RIPOR2: variants seen among roughly 807,000 people sequenced by gnomAD.
RIPOR2 encodes RHO family interacting cell polarization regulator 2.
Under a neutral mutation model 114.5 loss-of-function variants are expected in RIPOR2, and 39 were observed. The ratio of observed to expected loss-of-function variants is 0.34; its 90% CI spans 0.26 to 0.44. The LOEUF (loss-of-function observed/expected upper bound fraction) is 0.44. Among genes scored for constraint, RIPOR2 ranks in the 20% least tolerant of loss-of-function variants. The probability of loss-of-function intolerance (pLI) is 1.00; values close to 1 mark genes in which losing one functional copy is unlikely to be tolerated. For missense variants in RIPOR2, 1,007 were observed against 1,255.1 expected (o/e 0.80, Z 2.99); for synonymous variants, 445 against 484.4 (o/e 0.92, Z 1.07).
At chr6:24,825,513 A>C (rs549453363) in intron 18 of RIPOR2, 85 bp from the exon 19 acceptor site, 67 of 935,548 alleles carry the variant, frequency 7.2e-5, no homozygotes, top group Non-Finnish European at 1.1e-4. Flanking sequence ...ACTCAAGTAC[A>C]TAAGAAAGTA....
At chr6:24,940,203 T>C (rs1772049902), upstream of RIPOR2, among the ~76,000 whole-genome samples, 2 of 152,062 alleles carry the variant, frequency 1.3e-5, no homozygotes, top group African/African-American at 4.8e-5. Flanking sequence ...TATTTCTGCA[T>C]AGTTTGCTGT....
chr6:24,945,667 G>A (rs1191050316), intron 1 of RIPOR2, among the ~76,000 whole-genome samples: 1 of 152,172 alleles, frequency 6.6e-6, no homozygotes, highest in Non-Finnish European at 1.5e-5. Flanking sequence ...TGAAATTAAA[G>A]TGGTATTAAT....
intron 6 of RIPOR2, among the ~76,000 whole-genome samples, chr6:24,866,586 TCAAGTGATCCTCTTAACCTCC>T (rs1764631149): frequency 1.3e-5 from 2 of 150,298 alleles, no homozygotes; most frequent in Non-Finnish European, 1.5e-5. Flanking sequence ...ACTGCTGGGC[TCAAGTGATCCTCTTAACCTCC>T]CAAGTAGCTG....
At chr6:24,889,421 T>C (rs1453659444) in intron 1 of RIPOR2, among the ~76,000 whole-genome samples, 3 of 152,228 alleles carry the variant, frequency 2.0e-5, no homozygotes, top group Non-Finnish European at 4.4e-5. Flanking sequence ...AGTGACGATG[T>C]GTTCTGATTG....
upstream of RIPOR2, among the ~76,000 whole-genome samples, chr6:24,936,278 G>A (rs1386819044): frequency 1.3e-5 from 2 of 152,132 alleles, no homozygotes; most frequent in Non-Finnish European, 2.9e-5. Context: ...GAACACAATG[G>A]GTTTTGTTGA....
At chr6:24,971,652 T>G (rs1041384157) in intron 1 of RIPOR2, among the ~76,000 whole-genome samples, 1 of 152,236 alleles carries the variant, frequency 6.6e-6, no homozygotes, top group Non-Finnish European at 1.5e-5. Context: ...AGGGTTCCCC[T>G]CATTTCCTGA....
intron 1 of RIPOR2, among the ~76,000 whole-genome samples, chr6:24,885,524 A>C (rs745471349): frequency 6.6e-5 from 10 of 152,116 alleles, no homozygotes; most frequent in Non-Finnish European, 8.8e-5. Context: ...ATGTCCGGCC[A>C]AAGTGGTACC....
At chr6:24,899,549 C>T (rs1768209147) in intron 1 of RIPOR2, among the ~76,000 whole-genome samples, 1 of 152,208 alleles carries the variant, frequency 6.6e-6, no homozygotes, top group African/African-American at 2.4e-5. Flanking sequence ...CGTGAATTAA[C>T]CACATCTGAC....
intron 1 of RIPOR2, among the ~76,000 whole-genome samples, chr6:24,996,950 T>C (rs1231301555): frequency 6.6e-6 from 1 of 152,238 alleles, no homozygotes; most frequent in Non-Finnish European, 1.5e-5. Flanking sequence ...TGACATTTTA[T>C]GGGTCTAACT....
chr6:24,825,140 T>A, intron 19 of RIPOR2, 86 bp downstream of exon 19: 1 of 989,678 alleles, frequency 1.0e-6, no homozygotes, highest in Non-Finnish European at 1.5e-6. Context: ...ATTATTTTTA[T>A]AAAGGAATAA....
chr6:25,010,696 T>C (rs1264048883), intron 1 of RIPOR2, among the ~76,000 whole-genome samples: 2 of 152,220 alleles, frequency 1.3e-5, no homozygotes, highest in Non-Finnish European at 2.9e-5. Context: ...CCTATATTAT[T>C]CAGGCAAGCA....
intron 1 of RIPOR2, among the ~76,000 whole-genome samples, chr6:24,963,827 A>G (rs1296470210): frequency 6.6e-6 from 1 of 151,582 alleles, no homozygotes; most frequent in Non-Finnish European, 1.5e-5. Flanking sequence ...TTGTTGTGGA[A>G]AATTCTCATA....
chr6:24,831,069 G>C (rs1032666499), intron 16 of RIPOR2, among the ~76,000 whole-genome samples: 1 of 151,966 alleles, frequency 6.6e-6, no homozygotes. Context: ...GTGTGTATGT[G>C]GGGGGTCTTT....
intron 1 of RIPOR2, among the ~76,000 whole-genome samples, chr6:24,964,147 C>CTGTG (rs70974955): frequency 0.027 from 4,005 of 146,474 alleles, 59 homozygotes; most frequent in African/African-American, 0.035. Flanking sequence ...GACATTGGCT[C>CTGTG]TGTGTGTGTG....
At chr6:24,864,024 G>A (rs947654976) in intron 7 of RIPOR2, among the ~76,000 whole-genome samples, 7 of 152,044 alleles carry the variant, frequency 4.6e-5, no homozygotes, top group South Asian at 2.1e-4. Context: ...ATTCTAGGCC[G>A]GGCTCAGTGG....
chr6:24,883,959 C>T lies in RIPOR2; in HGVS notation c.62-8142G>A, dbSNP rs1011082466. Among the ~76,000 whole-genome samples, 7 of 152,148 alleles carry T rather than the reference C, an allele frequency of 4.6e-5. No individual in the cohort carries two copies. The highest frequency in any genetic ancestry group is 3.9e-4 in the Admixed American group (6 of 15,264). On this transcript the variant is annotated intron_variant, in intron 1 of 21. Coordinates refer to ENST00000643898, the MANE Select transcript of RIPOR2 (RefSeq NM_001286445.3). This position sits in a 1 kb window ranked among gnomAD's most constrained non-coding sequence, Gnocchi z 4.1. The stretch of plus-strand genomic sequence containing the variant: ...GGCATGTGGGCCAGATGTAAATAGC[C>T]TGCTATGCAAAATAATTATTTAAGA...
At chr6:25,008,618 C>A (rs1775652674) in intron 1 of RIPOR2, among the ~76,000 whole-genome samples, 1 of 152,156 alleles carries the variant, frequency 6.6e-6, no homozygotes, top group Non-Finnish European at 1.5e-5. Context: ...CTGTTTTAAG[C>A]CACTATATTT....
chr6:24,972,073 T>A (rs904607137), intron 1 of RIPOR2, among the ~76,000 whole-genome samples: 2 of 152,244 alleles, frequency 1.3e-5, no homozygotes, highest in African/African-American at 4.8e-5. Context: ...TACACAATTA[T>A]CTTTACTTGA....
chr6:24,885,882 C>A (rs1476395648), intron 1 of RIPOR2, among the ~76,000 whole-genome samples: 1 of 152,028 alleles, frequency 6.6e-6, no homozygotes, highest in Non-Finnish European at 1.5e-5. Context: ...GCTAAGGAAG[C>A]TAGAAACTAG....
Sources: allele counts gnomAD v4.1 joint callset (sites outside exome capture counted in the v4.1 genomes callset), GRCh38; gene constraint gnomAD v4.1.1; non-coding constraint Gnocchi (gnomAD v3.1); transcripts MANE v1.5; gene names NCBI Gene and HGNC (gene_info 2026-07-23, HGNC 2026-07-21).